The following RPS6KA2 variants were observed in gnomAD, a reference collection of about 807,000 sequenced individuals.
The protein encoded by RPS6KA2 is ribosomal protein S6 kinase A2.
A neutral mutation model predicts 91.8 loss-of-function variants in RPS6KA2; 42 were observed. That is an observed-to-expected ratio of 0.46 (90% CI 0.36 to 0.59). RPS6KA2 has a LOEUF of 0.59. RPS6KA2 is among the 20% of genes least tolerant of loss of function. The pLI is 0.00. For synonymous variants in RPS6KA2, 414 were observed against 393.6 expected (o/e 1.05, Z -0.61); for missense variants, 798 against 978.5 (o/e 0.82, Z 2.46).
chr6:166,464,662 G>T (rs1337757994), intron 11 of RPS6KA2, among the ~76,000 whole-genome samples: 4 of 152,094 alleles, frequency 2.6e-5, no homozygotes, highest in Non-Finnish European at 5.9e-5. Flanking sequence ...GCTTTTTTTG[G>T]GTTCGTGCTA....
Position 166,493,880 on chromosome 6 carries a change from G to C in RPS6KA2, c.748-3139C>G, listed in dbSNP as rs796241965. Among the ~76,000 whole-genome samples, 8 of 152,318 alleles carry C rather than the reference G, an allele frequency of 5.3e-5. 1 individual carries two copies. Among genetic ancestry groups the C allele is most frequent in the African/African-American group, 1.9e-4 (8 of 41,564 alleles). ...AGTCCCGACCTCAACAGTGCTGGCT[G>C]AGAAGCCCTGTCTAAAGGGACAGCT... On this transcript the variant is annotated intron_variant, in intron 8 of 20. Transcript: ENST00000265678. The surrounding 1 kb of genome is among the most constrained non-coding windows in gnomAD (Gnocchi z 4.7).
In RPS6KA2 at chr6:166,626,882, G is replaced by C. The variant is rs1381792935; in HGVS notation, c.99+39C>G. 7.0e-7 allele frequency: 1 copy of C among 1,435,196 alleles called. No homozygotes were observed. Among genetic ancestry groups the C allele is most frequent in the East Asian group, 2.9e-5 (1 of 34,294 alleles). The allele number at this position is 1,435,196 out of a possible 1,614,324, so 88.9% of individuals were successfully genotyped here. A position where few individuals can be genotyped will look rare whatever the true frequency, so the allele number is the denominator to read the frequency against. On this transcript the variant is annotated intron_variant, in intron 1 of 20. Coordinates refer to ENST00000265678, the MANE Select transcript of RPS6KA2 (RefSeq NM_021135.6). This position sits in a 1 kb window ranked among gnomAD's most constrained non-coding sequence, Gnocchi z 4.1. ...GGCTCGGGCGACCACGGCCCGCTCA[G>C]TGCCCGGCACCTGCGCGCCCCGAGG...
In RPS6KA2 at chr6:166,488,349, C is replaced by T. The variant is rs937626791; in HGVS notation, c.907+484G>A. 1.3e-5 allele frequency among the ~76,000 whole-genome samples: 2 copies of T among 152,180 alleles called. 1 individual carries two copies. The highest frequency in any genetic ancestry group is 1.3e-4 in the Admixed American group (2 of 15,258). On this transcript the variant is annotated intron_variant, in intron 10 of 20. Coordinates refer to ENST00000265678, the MANE Select transcript of RPS6KA2 (RefSeq NM_021135.6). Reference sequence around the variant, plus strand: ...GTCTGACTCTGAGACAACACGGCCGCGCCAACTCGCTAAGACCGGCCCAGC... The same window carrying T: ...GTCTGACTCTGAGACAACACGGCCGTGCCAACTCGCTAAGACCGGCCCAGC...
intron 2 of RPS6KA2, among the ~76,000 whole-genome samples, chr6:166,683,251 A>T (rs755246906): frequency 6.6e-6 from 1 of 152,270 alleles, no homozygotes; most frequent in Non-Finnish European, 1.5e-5. Context: ...TGCATATTGC[A>T]GATGTCCAAA....
intron 3 of RPS6KA2, among the ~76,000 whole-genome samples, chr6:166,512,760 G>A (rs1782514582): frequency 2.0e-5 from 3 of 152,216 alleles, no homozygotes. Context: ...CCCCTCCTGG[G>A]GCTGCCTAAG....
chr6:166,730,906 A>G (rs894243402), intron 2 of RPS6KA2, among the ~76,000 whole-genome samples: 4 of 152,168 alleles, frequency 2.6e-5, no homozygotes, highest in Non-Finnish European at 5.9e-5. Flanking sequence ...AGGTGCAGGA[A>G]AGGCAACATT....
intron 2 of RPS6KA2, among the ~76,000 whole-genome samples, chr6:166,641,766 T>TAAAAAAAAAAAAAAAAAAAAAAAAAA (rs1787445454): frequency 1.6e-5 from 1 of 61,520 alleles, no homozygotes; most frequent in Admixed American, 1.9e-4. Context: ...AAAAAAAAAT[T>TAAAAAAAAAAAAAAAAAAAAAAAAAA]CAATAGATCA....
chr6:166,681,099 A>G (rs989110441), intron 2 of RPS6KA2, among the ~76,000 whole-genome samples: 5 of 152,212 alleles, frequency 3.3e-5, no homozygotes, highest in Admixed American at 3.3e-4. Context: ...GGAAAATTGG[A>G]GAAGGTGGAA....
intron 1 of RPS6KA2, among the ~76,000 whole-genome samples, chr6:166,548,511 A>G (rs1485001867): frequency 6.6e-6 from 1 of 152,254 alleles, no homozygotes; most frequent in Non-Finnish European, 1.5e-5. Context: ...GATCAATGGA[A>G]TGGAATAGAG....
chr6:166,530,471 C>T (rs541638487), intron 3 of RPS6KA2, among the ~76,000 whole-genome samples: 19 of 152,358 alleles, frequency 1.2e-4, no homozygotes, highest in East Asian at 1.2e-3. Context: ...GTGCTGCCCC[C>T]GTGACGCCCT....
At chr6:166,446,969 C>T (rs1779699876) in intron 14 of RPS6KA2, among the ~76,000 whole-genome samples, 1 of 152,202 alleles carries the variant, frequency 6.6e-6, no homozygotes, top group Non-Finnish European at 1.5e-5. Context: ...ATTCTCTTGT[C>T]TAAGGCAGAA....
chr6:166,832,770 G>C (rs968050282), intron 2 of RPS6KA2, among the ~76,000 whole-genome samples: 1 of 152,170 alleles, frequency 6.6e-6, no homozygotes, highest in African/African-American at 2.4e-5. Context: ...AATTAGCGAA[G>C]ATCATGAATC....
chr6:166,833,113 T>A (rs1780228073), intron 2 of RPS6KA2, among the ~76,000 whole-genome samples: 1 of 152,222 alleles, frequency 6.6e-6, no homozygotes, highest in African/African-American at 2.4e-5. Flanking sequence ...TACTACCACA[T>A]TTCATCCTCA....
At chr6:166,703,336 C>G (rs1470053664) in intron 2 of RPS6KA2, among the ~76,000 whole-genome samples, 1 of 152,264 alleles carries the variant, frequency 6.6e-6, no homozygotes, top group Admixed American at 6.5e-5. Flanking sequence ...CATTAGCAGT[C>G]ACTGCATGGG....
In RPS6KA2 at chr6:166,603,819, C is replaced by T. The variant is rs1410920119; in HGVS notation, c.99+23102G>A. On this transcript the variant is annotated intron_variant, in intron 1 of 20. Transcript: ENST00000265678. The surrounding 1 kb of genome is among the most constrained non-coding windows in gnomAD (Gnocchi z 4.3). The stretch of plus-strand genomic sequence containing the variant: ...GCCCCCGTACTGTTGTTTGCGATAA[C>T]AAGTCAGGGGTGTTAGAGGAGCCAA... Among the ~76,000 whole-genome samples, 1 of 152,154 alleles carries T rather than the reference C, an allele frequency of 6.6e-6. No homozygotes were observed. Among genetic ancestry groups the T allele is most frequent in the Non-Finnish European group, 1.5e-5 (1 of 68,036 alleles).
At chr6:166,845,449 C>T (rs1044907648) in intron 2 of RPS6KA2, among the ~76,000 whole-genome samples, 2 of 152,070 alleles carry the variant, frequency 1.3e-5, no homozygotes, top group Admixed American at 1.3e-4. Context: ...CCAAGATAGA[C>T]CATATGATAG....
chr6:166,612,491 A>G lies in RPS6KA2; in HGVS notation c.99+14430T>C, dbSNP rs1027656422. ...CCCTGGCTCCCCTCGCGGGCTTGCA[A>G]CCAGGCACTCTTCCTCTCTCCCTCC... On this transcript the variant is annotated intron_variant, in intron 1 of 20. Transcript: ENST00000265678. This position sits in a 1 kb window ranked among gnomAD's most constrained non-coding sequence, Gnocchi z 4.3. 5.3e-5 allele frequency among the ~76,000 whole-genome samples: 8 copies of G among 152,128 alleles called. No individual in the cohort carries two copies. The East Asian group carries it at 1.2e-3, about 22-fold the overall frequency.
chr6:166,698,850 G>A (rs1342544925), intron 2 of RPS6KA2, among the ~76,000 whole-genome samples: 1 of 152,208 alleles, frequency 6.6e-6, no homozygotes, highest in Non-Finnish European at 1.5e-5. Context: ...GCAAGAGAAT[G>A]TGCTCAATGA....
chr6:166,441,356 T>C (rs1779512770), intron 14 of RPS6KA2, among the ~76,000 whole-genome samples: 1 of 152,196 alleles, frequency 6.6e-6, no homozygotes, highest in African/African-American at 2.4e-5. Context: ...AACTGCTGTT[T>C]CTCTTTGCTT....
Sources: gnomAD v4.1 joint callset for allele counts (sites outside exome capture counted in the v4.1 genomes callset) on GRCh38, gnomAD v4.1.1 for gene constraint, Gnocchi (gnomAD v3.1) non-coding constraint, MANE v1.5 for transcripts, NCBI Gene and HGNC (gene_info 2026-07-23, HGNC 2026-07-21) for gene names.